The following FGGY variants were observed in gnomAD, a reference collection of about 807,000 sequenced individuals.
FGGY encodes FGGY carbohydrate kinase domain containing, also known as FGGY carbohydrate kinase domain-containing protein.
A neutral mutation model predicts 71.3 loss-of-function variants in FGGY; 72 were observed. That is an observed-to-expected ratio of 1.01 (90% CI 0.84 to 1.23). The LOEUF (loss-of-function observed/expected upper bound fraction) is 1.23, where lower values mean the gene tolerates loss of function less well. Among genes scored for constraint, FGGY ranks in the 50% most tolerant of loss-of-function variants. FGGY has a pLI of 0.00. For synonymous variants in FGGY, 251 were observed against 250.3 expected, an observed-to-expected ratio of 1.00 and a Z score of -0.02; for missense variants, 668 against 682.3, an observed-to-expected ratio of 0.98 and a Z score of 0.23.
chr1:59,588,075 T>C (rs978566204), intron 8 of FGGY, among the ~76,000 whole-genome samples: 6 of 152,080 alleles, frequency 3.9e-5, no homozygotes, highest in Non-Finnish European at 5.9e-5. Context: ...ATAACTAGAA[T>C]AACCAATACA....
chr1:59,587,269 C>G (rs1201066856), intron 8 of FGGY, among the ~76,000 whole-genome samples: 2 of 152,102 alleles, frequency 1.3e-5, no homozygotes, highest in African/African-American at 2.4e-5. Flanking sequence ...CCCAGGCTTG[C>G]TTAGGTAAGC....
chr1:59,563,924 A>T (rs950876008), intron 8 of FGGY, among the ~76,000 whole-genome samples: 2 of 152,230 alleles, frequency 1.3e-5, no homozygotes, highest in Non-Finnish European at 2.9e-5. Flanking sequence ...AAACCTGACA[A>T]AAACAAGGAA....
At chr1:59,600,367 G>A (rs553935888) in intron 8 of FGGY, among the ~76,000 whole-genome samples, 2 of 152,140 alleles carry the variant, frequency 1.3e-5, no homozygotes, top group Non-Finnish European at 2.9e-5. Context: ...AAGACATGTC[G>A]ATTAGCCATC....
intron 9 of FGGY, among the ~76,000 whole-genome samples, chr1:59,619,104 T>C (rs1444718020): frequency 6.6e-6 from 1 of 152,152 alleles, no homozygotes; most frequent in Non-Finnish European, 1.5e-5. Context: ...GAAACAGTTA[T>C]GAGTCTGTCA....
Position 59,438,581 on chromosome 1 carries a change from C to T in FGGY, c.555-18380C>T, listed in dbSNP as rs1187845383. Among the ~76,000 whole-genome samples the T allele has an allele frequency of 1.3e-5, 2 of 152,194 alleles. 1 individual carries two copies. The highest frequency in any genetic ancestry group is 2.9e-5 in the Non-Finnish European group (2 of 68,036). On this transcript the variant is annotated intron_variant, in intron 5 of 15. Transcript: ENST00000303721. The stretch of plus-strand genomic sequence containing the variant: ...TCTTGTTAGCTGTTCTTCCACCAGG[C>T]AATCAAAACTCATGTTAGTTCCCTG...
intron 9 of FGGY, 29 bp from the exon 10 acceptor site, chr1:59,625,959 A>G (rs770746025): frequency 2.7e-5 from 42 of 1,563,550 alleles, no homozygotes; most frequent in Non-Finnish European, 3.6e-5. Flanking sequence ...AAGAAGCTAT[A>G]AAATTGACCC....
intron 5 of FGGY, among the ~76,000 whole-genome samples, chr1:59,391,935 T>C (rs1396610357): frequency 6.6e-6 from 1 of 152,226 alleles, no homozygotes; most frequent in Non-Finnish European, 1.5e-5. Context: ...TGAAAATGTT[T>C]TGGAACTGTG....
intron 11 of FGGY, among the ~76,000 whole-genome samples, chr1:59,656,547 A>T (rs1382902086): frequency 6.6e-6 from 1 of 152,252 alleles, no homozygotes; most frequent in Non-Finnish European, 1.5e-5. Context: ...TCTGCATATC[A>T]GATGAGATGT....
At chr1:59,340,333 A>T (rs1165597666) in intron 3 of FGGY, among the ~76,000 whole-genome samples, 1 of 152,178 alleles carries the variant, frequency 6.6e-6, no homozygotes, top group Admixed American at 6.5e-5. Context: ...GAAGGATATG[A>T]GATTGTTAGC....
chr1:59,641,200 A>C (rs1317972176), intron 11 of FGGY: 2 of 1,120,698 alleles, frequency 1.8e-6, no homozygotes, highest in East Asian at 5.1e-5. Context: ...GGCTCCTTGT[A>C]TCATTGTCTA....
chr1:59,329,629 A>C (rs1259723023), intron 2 of FGGY, among the ~76,000 whole-genome samples: 3 of 152,126 alleles, frequency 2.0e-5, no homozygotes, highest in African/African-American at 7.2e-5. Flanking sequence ...TCCTTCTGTC[A>C]TGTCCTCAAA....
At chr1:59,394,656 GT>G (rs1440273360) in intron 5 of FGGY, among the ~76,000 whole-genome samples, 1 of 152,080 alleles carries the variant, frequency 6.6e-6, no homozygotes, top group Non-Finnish European at 1.5e-5. Flanking sequence ...AAATACTATT[GT>G]CTACCATTAA....
At chr1:59,334,785 T>C (rs2049149112) in intron 2 of FGGY, among the ~76,000 whole-genome samples, 1 of 152,162 alleles carries the variant, frequency 6.6e-6, no homozygotes, top group African/African-American at 2.4e-5. Context: ...ATTTAAAAGG[T>C]TGTAGTCATG....
chr1:59,703,309 T>G (rs1479480740), intron 14 of FGGY, among the ~76,000 whole-genome samples: 1 of 152,162 alleles, frequency 6.6e-6, no homozygotes, highest in Non-Finnish European at 1.5e-5. Context: ...CTGAGTGCCT[T>G]CCATGTGCCA....
chr1:59,603,182 T>A (rs1558510957), intron 8 of FGGY, among the ~76,000 whole-genome samples: 1 of 152,230 alleles, frequency 6.6e-6, no homozygotes. Flanking sequence ...TTTAACTGTG[T>A]GAGTAAATAA....
rs1438716163 is a variant in FGGY, at chr1:59,476,008, C to G, written c.670+18932C>G. Among the ~76,000 whole-genome samples, 5 of 152,342 alleles carry G rather than the reference C, an allele frequency of 3.3e-5. No individual in the cohort carries two copies. In the East Asian group the frequency reaches 9.6e-4, roughly 29 times the overall value. On this transcript the variant is annotated intron_variant, in intron 6 of 15. Coordinates refer to ENST00000303721, the MANE Select transcript of FGGY (RefSeq NM_018291.5). Reference sequence around the variant, plus strand: ...TCTGACTTTTATTGCTTACCATGCCCCCACGTAGTCACCATCCAACCACAA... The same window carrying G: ...TCTGACTTTTATTGCTTACCATGCCGCCACGTAGTCACCATCCAACCACAA...
chr1:59,636,512 A>T (rs866999951), intron 10 of FGGY, among the ~76,000 whole-genome samples: 1 of 152,002 alleles, frequency 6.6e-6, no homozygotes, highest in Non-Finnish European at 1.5e-5. Flanking sequence ...GGTCCCAGCT[A>T]CTCGGGAGGC....
chr1:59,346,482 C>G, intron 4 of FGGY, 84 bp downstream of exon 4: 1 of 1,467,996 alleles, frequency 6.8e-7, no homozygotes, highest in Non-Finnish European at 9.2e-7. Context: ...AGGCACCCTG[C>G]TAAAATCGGT....
intron 4 of FGGY, among the ~76,000 whole-genome samples, chr1:59,360,920 G>A (rs1466435640): frequency 6.6e-6 from 1 of 152,108 alleles, no homozygotes; most frequent in Non-Finnish European, 1.5e-5. Flanking sequence ...GTAGAGCTGG[G>A]GCCCAGCTCA....
Sources: gnomAD v4.1 joint callset for allele counts (sites outside exome capture counted in the v4.1 genomes callset) on GRCh38, gnomAD v4.1.1 for gene constraint, MANE v1.5 for transcripts, NCBI Gene and HGNC (gene_info 2026-07-23, HGNC 2026-07-21) for gene names.